Variants in ROCK2 observed in about 807,000 individuals in gnomAD.
ROCK2 encodes rho-associated protein kinase 2.
ROCK2 carries 61 observed loss-of-function variants against 195.1 expected under a neutral mutation model. The ratio of observed to expected loss-of-function variants is 0.31; its 90% CI spans 0.25 to 0.39. ROCK2 has a LOEUF of 0.39. ROCK2 is among the 10% of genes least tolerant of loss of function. ROCK2 has a pLI of 1.00. For missense variants in ROCK2, 1,109 were observed against 1,637.4 expected, an observed-to-expected ratio of 0.68 and a Z score of 5.57; for synonymous variants, 504 against 545.5, an observed-to-expected ratio of 0.92 and a Z score of 1.06.
At chr2:11,307,385 C>A (rs1459219036) in intron 1 of ROCK2, among the ~76,000 whole-genome samples, 1 of 152,222 alleles carries the variant, frequency 6.6e-6, no homozygotes, top group Non-Finnish European at 1.5e-5. Flanking sequence ...GCGATCTCAG[C>A]TCACTGCAAC....
chr2:11,263,324 T>C (rs547513141), intron 3 of ROCK2, among the ~76,000 whole-genome samples: 2 of 152,280 alleles, frequency 1.3e-5, no homozygotes, highest in African/African-American at 4.8e-5. Flanking sequence ...TTCTGTGCTA[T>C]ACAGCATACT....
At chr2:11,321,897 A>G (rs1668411355) in intron 1 of ROCK2, among the ~76,000 whole-genome samples, 1 of 152,216 alleles carries the variant, frequency 6.6e-6, no homozygotes, top group South Asian at 2.1e-4. Context: ...CCTAACTCCC[A>G]GTACCTCAAA....
intron 1 of ROCK2, among the ~76,000 whole-genome samples, chr2:11,304,375 T>G (rs768209243): frequency 3.9e-5 from 6 of 152,206 alleles, no homozygotes; most frequent in Non-Finnish European, 7.3e-5. Flanking sequence ...AATGTTAATA[T>G]TCAAATCTGA....
At chr2:11,272,007 G>A (rs111910005) in intron 3 of ROCK2, among the ~76,000 whole-genome samples, 11,097 of 139,594 alleles carry the variant, frequency 0.079, 621 homozygotes, top group African/African-American at 0.16. Context: ...GAGACAGAAC[G>A]AGACTCCATC....
upstream of ROCK2, among the ~76,000 whole-genome samples, chr2:11,345,244 A>G (rs1191339607): frequency 1.3e-5 from 2 of 152,172 alleles, no homozygotes; most frequent in Non-Finnish European, 2.9e-5. Context: ...TGGGATCCTG[A>G]AAGCGTTTCT....
intron 3 of ROCK2, among the ~76,000 whole-genome samples, chr2:11,272,019 CAAAA>C (rs34999311): frequency 1.8e-5 from 2 of 113,768 alleles, no homozygotes; most frequent in Non-Finnish European, 1.8e-5. Context: ...GACTCCATCT[CAAAA>C]AAAAAAAAAA....
intron 5 of ROCK2, among the ~76,000 whole-genome samples, chr2:11,231,368 C>T (rs1027814291): frequency 5.3e-5 from 8 of 151,958 alleles, no homozygotes; most frequent in Admixed American, 2.6e-4. Context: ...CCATCATGCC[C>T]GGCTAATTCT....
chr2:11,233,468 T>C (rs959494127), intron 5 of ROCK2, among the ~76,000 whole-genome samples: 3 of 152,142 alleles, frequency 2.0e-5, no homozygotes, highest in Non-Finnish European at 4.4e-5. Flanking sequence ...TTATGTACCC[T>C]CTGATGTAGT....
chr2:11,192,434 A>G lies in ROCK2; in HGVS notation c.3949+17T>C. ...GAACATAACCAATATCGATGGAGCAAGTAATTTATCATTTACCTTTGCAAG... is the reference window on the plus strand; with the variant it reads ...GAACATAACCAATATCGATGGAGCAGGTAATTTATCATTTACCTTTGCAAG... On this transcript the variant is annotated intron_variant, in intron 31 of 32. Transcript: ENST00000315872. This position sits in a 1 kb window ranked among gnomAD's most constrained non-coding sequence, Gnocchi z 5.0. 1 of 1,612,478 alleles carries G rather than the reference A, an allele frequency of 6.2e-7. No homozygotes were observed. Among genetic ancestry groups the G allele is most frequent in the Non-Finnish European group, 8.5e-7 (1 of 1,179,052 alleles).
intron 23 of ROCK2, 109 bp from the exon 24 acceptor site, chr2:11,198,883 CTTT>C (rs34674935): frequency 2.5e-3 from 1,201 of 480,254 alleles, no homozygotes; most frequent in Middle Eastern, 3.5e-3. Flanking sequence ...TCTTATTTTT[CTTT>C]TTTTTTTTTT....
At chr2:11,223,652 A>C (rs555056498) in intron 7 of ROCK2, among the ~76,000 whole-genome samples, 2 of 152,308 alleles carry the variant, frequency 1.3e-5, no homozygotes, top group Non-Finnish European at 2.9e-5. Flanking sequence ...CTGATGTGTA[A>C]GTTTGAACGA....
Position 11,286,097 on chromosome 2 carries a change from AG to A in ROCK2, c.324+441del. ...AAGAGTTCCAAAGCCAATAATATAA[AG>A]GTAATAGTTATTGTCAACATTTCTT... On this transcript the variant is annotated intron_variant, in intron 3 of 32. Transcript: ENST00000315872. 2.0e-5 allele frequency among the ~76,000 whole-genome samples: 3 copies of A among 150,666 alleles called. No homozygotes were observed. In the Middle Eastern group the frequency reaches 0.01, roughly 516 times the overall value.
Position 11,344,562 on chromosome 2 carries a change from C to T in ROCK2, c.-426G>A. ...CACTACGGCCGCCGCCGGCCCGCTGCCATGGTCGCCGCCGGCCGCCTTGCA... is the reference window on the plus strand; with the variant it reads ...CACTACGGCCGCCGCCGGCCCGCTGTCATGGTCGCCGCCGGCCGCCTTGCA... On this transcript the variant is annotated 5_prime_UTR_variant, in exon 1 of 33. Transcript: ENST00000315872. The surrounding 1 kb of genome is among the most constrained non-coding windows in gnomAD (Gnocchi z 5.4). 1.1e-6 allele frequency: 1 copy of T among 914,854 alleles called. No homozygotes were observed. The highest frequency in any genetic ancestry group is 1.3e-6 in the Non-Finnish European group (1 of 766,888). The allele number at this position is 914,854 out of a possible 1,614,324, so 56.7% of individuals were successfully genotyped here. A position where few individuals can be genotyped will look rare whatever the true frequency, so the allele number is the denominator to read the frequency against.
At chr2:11,247,823 C>T (rs1665672158) in intron 4 of ROCK2, among the ~76,000 whole-genome samples, 2 of 152,028 alleles carry the variant, frequency 1.3e-5, no homozygotes, top group African/African-American at 2.4e-5. Context: ...AGTTCGAGAC[C>T]AGCCTGGCCA....
Position 11,182,175 on chromosome 2 carries a change from G to C in ROCK2, c.*1262C>G, listed in dbSNP as rs1029625564. The C allele has an allele frequency of 1.3e-5, 2 of 152,078 alleles. No homozygotes were observed. The highest frequency in any genetic ancestry group is 4.8e-5 in the African/African-American group (2 of 41,386). The allele number at this position is 152,078 out of a possible 1,614,324, so 9.4% of individuals were successfully genotyped here. A position where few individuals can be genotyped will look rare whatever the true frequency, so the allele number is the denominator to read the frequency against. ...TAAAAATCAAATTAAGTGCCTTTGA[G>C]GCCACTTCTTCCCAGTTGCCAGTTT... is the stretch of plus-strand genomic sequence containing the variant. On this transcript the variant is annotated 3_prime_UTR_variant, in exon 33 of 33. Transcript: ENST00000315872.
intron 1 of ROCK2, among the ~76,000 whole-genome samples, chr2:11,336,276 G>T (rs537422199): frequency 6.6e-6 from 1 of 152,182 alleles, no homozygotes; most frequent in Non-Finnish European, 1.5e-5. Context: ...CCAGAGACAG[G>T]GTCTCATTCT....
chr2:11,279,107 T>G (rs1224406373), intron 3 of ROCK2, among the ~76,000 whole-genome samples: 3 of 150,256 alleles, frequency 2.0e-5, no homozygotes, highest in African/African-American at 7.3e-5. Context: ...AGAAAAAGAA[T>G]GGAAGACAAA....
intron 1 of ROCK2, among the ~76,000 whole-genome samples, chr2:11,309,279 A>T (rs1210185447): frequency 6.6e-6 from 1 of 152,188 alleles, no homozygotes; most frequent in African/African-American, 2.4e-5. Context: ...GGCACACGTT[A>T]TATGAAAACA....
intron 32 of ROCK2, 95 bp from the exon 33 acceptor site, chr2:11,183,535 T>G (rs1395487484): frequency 4.8e-6 from 4 of 840,790 alleles, no homozygotes; most frequent in Admixed American, 5.5e-5. Context: ...ATTATTAAAC[T>G]ATATAGTCTT....
Sources: allele counts gnomAD v4.1 joint callset (sites outside exome capture counted in the v4.1 genomes callset), GRCh38; gene constraint gnomAD v4.1.1; non-coding constraint Gnocchi (gnomAD v3.1); transcripts MANE v1.5; gene names NCBI Gene and HGNC (gene_info 2026-07-23, HGNC 2026-07-21).